The following PTPRM variants were observed in gnomAD, a reference collection of about 807,000 sequenced individuals.
The protein encoded by PTPRM is protein tyrosine phosphatase receptor type M, also known as receptor-type tyrosine-protein phosphatase mu.
In PTPRM, 47 loss-of-function variants were observed where a neutral mutation model predicts 186.7. The observed-to-expected ratio is 0.25, with a 90% CI of 0.20 to 0.32. PTPRM has a LOEUF of 0.32. Among genes scored for constraint, PTPRM ranks in the 10% least tolerant of loss-of-function variants. The pLI is 1.00. For synonymous variants in PTPRM, 668 were observed against 674.9 expected, an observed-to-expected ratio of 0.99 and a Z score of 0.16; for missense variants, 1,494 against 1,865.0, an observed-to-expected ratio of 0.80 and a Z score of 3.66.
chr18:7,994,681 A>C (rs1379099164), intron 7 of PTPRM, among the ~76,000 whole-genome samples: 1 of 152,180 alleles, frequency 6.6e-6, no homozygotes, highest in Non-Finnish European at 1.5e-5. Context: ...GAAATGTTGG[A>C]ACCTGGAAAA....
chr18:8,396,086 T>C (rs2095843994), intron 32 of PTPRM, among the ~76,000 whole-genome samples: 1 of 152,186 alleles, frequency 6.6e-6, no homozygotes, highest in African/African-American at 2.4e-5. Flanking sequence ...GTTGAAAGGC[T>C]GGTGTGGGGC....
At chr18:8,113,146 T>C (rs1233829743) in intron 11 of PTPRM, among the ~76,000 whole-genome samples, 2 of 152,234 alleles carry the variant, frequency 1.3e-5, no homozygotes, top group Non-Finnish European at 2.9e-5. Flanking sequence ...GAGTTAATTA[T>C]CTGTAAAATC....
intron 1 of PTPRM, among the ~76,000 whole-genome samples, chr18:7,611,092 A>T (rs186078453): frequency 6.6e-6 from 1 of 152,318 alleles, no homozygotes; most frequent in Non-Finnish European, 1.5e-5. Flanking sequence ...CATATATAAA[A>T]GAGCTTAGAA....
At chr18:8,385,672 C>T (rs928600800) in intron 30 of PTPRM, among the ~76,000 whole-genome samples, 2 of 152,164 alleles carry the variant, frequency 1.3e-5, no homozygotes, top group Non-Finnish European at 2.9e-5. Flanking sequence ...GCTTGGGGGC[C>T]CCGGCTGGAA....
chr18:7,673,148 A>AAGCTGGCTGCTCTTCCT (rs1339958550), intron 1 of PTPRM, among the ~76,000 whole-genome samples: 1 of 152,202 alleles, frequency 6.6e-6, no homozygotes, highest in African/African-American at 2.4e-5. Context: ...GCTGGACTTG[A>AAGCTGGCTGCTCTTCCT]AGCTGGCTGC....
intron 5 of PTPRM, among the ~76,000 whole-genome samples, chr18:7,936,762 C>T (rs1264979350): frequency 2.0e-5 from 3 of 152,260 alleles, no homozygotes; most frequent in East Asian, 1.9e-4. Context: ...TTTTTTGATG[C>T]CCACCCATGG....
At chr18:7,753,695 G>A (rs953986677) in intron 1 of PTPRM, among the ~76,000 whole-genome samples, 13 of 152,078 alleles carry the variant, frequency 8.5e-5, no homozygotes, top group African/African-American at 3.1e-4. Context: ...GACTTTCTTT[G>A]CCATAACACC....
chr18:7,944,927 T>C (rs1458375087), intron 5 of PTPRM, among the ~76,000 whole-genome samples: 2 of 152,210 alleles, frequency 1.3e-5, no homozygotes, highest in African/African-American at 4.8e-5. Context: ...GAAATATTAA[T>C]CACCAGTATT....
At chr18:8,009,323 CTT>C (rs71354585) in intron 7 of PTPRM, among the ~76,000 whole-genome samples, 17 of 145,374 alleles carry the variant, frequency 1.2e-4, no homozygotes, top group Admixed American at 2.1e-4. Flanking sequence ...GCTTCCATAA[CTT>C]TTTTTTTTTT....
intron 23 of PTPRM, among the ~76,000 whole-genome samples, chr18:8,344,397 TAC>T (rs1350302216): frequency 4.0e-5 from 6 of 149,106 alleles, no homozygotes; most frequent in African/African-American, 9.9e-5. Flanking sequence ...TATATATATA[TAC>T]ATACACACAA....
chr18:7,720,032 T>C (rs2040417369), intron 1 of PTPRM, among the ~76,000 whole-genome samples: 1 of 152,126 alleles, frequency 6.6e-6, no homozygotes. Context: ...ACCCCGTCTC[T>C]TAAAAAATTA....
At chr18:7,954,313 A>G (rs2053173165) in intron 6 of PTPRM, among the ~76,000 whole-genome samples, 1 of 152,148 alleles carries the variant, frequency 6.6e-6, no homozygotes, top group African/African-American at 2.4e-5. Flanking sequence ...TTTGCTTCAG[A>G]GCTTTCCTTT....
intron 1 of PTPRM, among the ~76,000 whole-genome samples, chr18:7,659,302 C>T (rs1284656619): frequency 1.3e-5 from 2 of 152,102 alleles, no homozygotes; most frequent in African/African-American, 4.8e-5. Flanking sequence ...GAATTCATTT[C>T]TGTGTTCCCA....
chr18:8,252,339 C>T (rs982279192), intron 17 of PTPRM, 149 bp from the exon 18 acceptor site: 21 of 694,210 alleles, frequency 3.0e-5, no homozygotes, highest in Non-Finnish European at 4.9e-5. Context: ...ATTGAGGCTT[C>T]GCCCTCTGAC....
At chr18:7,895,242 T>C (rs971389979) in intron 3 of PTPRM, among the ~76,000 whole-genome samples, 6 of 152,092 alleles carry the variant, frequency 3.9e-5, no homozygotes, top group African/African-American at 7.2e-5. Context: ...GAAAAGCACA[T>C]TGGGGATATG....
chr18:7,638,139 C>T (rs764008751), intron 1 of PTPRM, among the ~76,000 whole-genome samples: 5 of 152,054 alleles, frequency 3.3e-5, no homozygotes, highest in African/African-American at 1.2e-4. Context: ...GAGTATATGC[C>T]CCTTCTACTC....
At chr18:8,350,810 T>C (rs987803567) in intron 23 of PTPRM, among the ~76,000 whole-genome samples, 1 of 152,184 alleles carries the variant, frequency 6.6e-6, no homozygotes, top group Admixed American at 6.5e-5. Flanking sequence ...ACAAAGTATT[T>C]GCCATTTGCC....
At chr18:8,204,186 T>C (rs1000222608) in intron 14 of PTPRM, among the ~76,000 whole-genome samples, 1 of 152,108 alleles carries the variant, frequency 6.6e-6, no homozygotes, top group African/African-American at 2.4e-5. Context: ...ATTGCACTCA[T>C]TATTGAACAC....
chr18:7,638,896 A>G (rs1472751650), intron 1 of PTPRM, among the ~76,000 whole-genome samples: 6 of 152,182 alleles, frequency 3.9e-5, no homozygotes, highest in East Asian at 1.9e-4. Context: ...TCTAAATCCA[A>G]TTAAATATTT....
Sources: allele counts gnomAD v4.1 joint callset (sites outside exome capture counted in the v4.1 genomes callset), GRCh38; gene constraint gnomAD v4.1.1; transcripts MANE v1.5; gene names NCBI Gene and HGNC (gene_info 2026-07-23, HGNC 2026-07-21).